The following HNF4G variants were observed in gnomAD, a reference collection of about 807,000 sequenced individuals.
HNF4G encodes the protein hepatocyte nuclear factor 4 gamma.
A neutral mutation model predicts 50.9 loss-of-function variants in HNF4G; 21 were observed. The observed-to-expected ratio is 0.41, with a 90% CI of 0.29 to 0.59. HNF4G has a LOEUF of 0.59. Ranked by LOEUF, HNF4G falls within the 20% of genes least tolerant of loss-of-function variation. HNF4G has a pLI of 0.26. For synonymous variants in HNF4G, 198 were observed against 185.6 expected (o/e 1.07, Z -0.54); for missense variants, 527 against 559.4 (o/e 0.94, Z 0.58).
chr8:75,465,416 A>G (rs184008430), intron 1 of HNF4G, among the ~76,000 whole-genome samples: 1 of 152,338 alleles, frequency 6.6e-6, no homozygotes, highest in Non-Finnish European at 1.5e-5. Flanking sequence ...AGGCATAAGA[A>G]AGTCAAGAAA....
chr8:75,560,533 G>C, intron 9 of HNF4G, 67 bp downstream of exon 9: 3 of 1,516,222 alleles, frequency 2.0e-6, no homozygotes, highest in Non-Finnish European at 2.7e-6. Context: ...GGAATTGTGG[G>C]AAAGAATCTA....
chr8:75,409,663 A>G (rs1165885762), intron 1 of HNF4G, among the ~76,000 whole-genome samples: 1 of 150,864 alleles, frequency 6.6e-6, no homozygotes, highest in Non-Finnish European at 1.5e-5. Context: ...TGATTTTTGT[A>G]TTTTTATTAA....
chr8:75,470,586 T>C (rs960297076), intron 1 of HNF4G, among the ~76,000 whole-genome samples: 2 of 152,148 alleles, frequency 1.3e-5, no homozygotes, highest in African/African-American at 4.8e-5. Context: ...TTAAATGAAA[T>C]GGGAATATTT....
In HNF4G at chr8:75,469,148, G is replaced by A. The variant is rs1300987253; in HGVS notation, c.-143-20941G>A. On this transcript the variant is annotated intron_variant, in intron 1 of 10. Transcript: ENST00000354370. The stretch of plus-strand genomic sequence containing the variant: ...AGGTGGAAGGAGCAGCAGAGATATT[G>A]GAAAATCTTTTTTTTTGGTGGCAGA... Among the ~76,000 whole-genome samples the A allele has an allele frequency of 2.0e-5, 3 of 152,156 alleles. No homozygotes were observed. In the East Asian group the frequency reaches 5.8e-4, roughly 29 times the overall value.
chr8:75,408,419 G>A (rs1810415635), intron 1 of HNF4G, among the ~76,000 whole-genome samples: 2 of 152,094 alleles, frequency 1.3e-5, no homozygotes, highest in African/African-American at 4.8e-5. Context: ...GGACCCTGGA[G>A]GTCTGTGGGT....
intron 2 of HNF4G, among the ~76,000 whole-genome samples, chr8:75,544,219 C>G (rs760826966): frequency 6.6e-6 from 1 of 152,132 alleles, no homozygotes; most frequent in Non-Finnish European, 1.5e-5. Context: ...TACCTACCAC[C>G]CAGCTTAGAC....
At chr8:75,445,063 A>G (rs1467218285) in intron 1 of HNF4G, among the ~76,000 whole-genome samples, 2 of 149,982 alleles carry the variant, frequency 1.3e-5, no homozygotes, top group African/African-American at 4.9e-5. Context: ...AAAGAACAGA[A>G]ATTATAACAA....
At chr8:75,488,734 A>G (rs949212333) in intron 1 of HNF4G, among the ~76,000 whole-genome samples, 10 of 152,182 alleles carry the variant, frequency 6.6e-5, no homozygotes, top group Non-Finnish European at 1.3e-4. Context: ...CATTCTTAGT[A>G]GCCTTTATCT....
chr8:75,409,256 C>T (rs1162994178), intron 1 of HNF4G, among the ~76,000 whole-genome samples: 2 of 152,080 alleles, frequency 1.3e-5, no homozygotes, highest in African/African-American at 4.8e-5. Flanking sequence ...TCCCATTTCT[C>T]CTAAGCTCCA....
chr8:75,414,878 G>A (rs1024838144), intron 1 of HNF4G, among the ~76,000 whole-genome samples: 2 of 152,134 alleles, frequency 1.3e-5, no homozygotes, highest in African/African-American at 4.8e-5. Flanking sequence ...GTCTTGGTGT[G>A]TACACTTACA....
intron 1 of HNF4G, among the ~76,000 whole-genome samples, chr8:75,449,279 C>G (rs1811517150): frequency 6.6e-6 from 1 of 152,044 alleles, no homozygotes; most frequent in African/African-American, 2.4e-5. Flanking sequence ...CATATGGTTT[C>G]TGTTGCAGTT....
intron 2 of HNF4G, among the ~76,000 whole-genome samples, chr8:75,516,309 C>G (rs1805887979): frequency 6.6e-6 from 1 of 151,992 alleles, no homozygotes. Context: ...TTAAATAAGT[C>G]TTCCTCTTTT....
intron 2 of HNF4G, among the ~76,000 whole-genome samples, chr8:75,496,550 C>T (rs937893080): frequency 2.0e-5 from 3 of 152,026 alleles, no homozygotes; most frequent in Non-Finnish European, 4.4e-5. Flanking sequence ...CATCTCACAA[C>T]TTTCAGAGGG....
intron 1 of HNF4G, among the ~76,000 whole-genome samples, chr8:75,541,240 A>C (rs2130784449): frequency 6.6e-6 from 1 of 152,272 alleles, no homozygotes; most frequent in Non-Finnish European, 1.5e-5. Context: ...TGTTTAACAA[A>C]TGTACTGAAA....
At chr8:75,481,210 T>C (rs577168026) in intron 1 of HNF4G, among the ~76,000 whole-genome samples, 6 of 152,342 alleles carry the variant, frequency 3.9e-5, no homozygotes, top group South Asian at 4.1e-4. Flanking sequence ...CTGGACTATA[T>C]TACATCTGAA....
At chr8:75,501,504 C>A (rs1397259242) in intron 2 of HNF4G, among the ~76,000 whole-genome samples, 3 of 152,056 alleles carry the variant, frequency 2.0e-5, no homozygotes. Context: ...GAAACAGAAT[C>A]CAAATGTACT....
intron 1 of HNF4G, among the ~76,000 whole-genome samples, chr8:75,486,832 A>G (rs1347811793): frequency 6.6e-6 from 1 of 152,086 alleles, no homozygotes; most frequent in African/African-American, 2.4e-5. Context: ...GCAAGACCCC[A>G]TCTCTACAAA....
intron 8 of HNF4G, among the ~76,000 whole-genome samples, chr8:75,559,623 G>A (rs1331786099): frequency 1.3e-5 from 2 of 151,978 alleles, no homozygotes; most frequent in Non-Finnish European, 2.9e-5. Context: ...CAGTCCCTCT[G>A]ACTTAAATTT....
At chr8:75,546,930 T>C (rs1219167703) in intron 2 of HNF4G, among the ~76,000 whole-genome samples, 1 of 152,162 alleles carries the variant, frequency 6.6e-6, no homozygotes, top group East Asian at 1.9e-4. Context: ...TGTTTAGCTT[T>C]TTAAGACAGT....
Sources: allele counts gnomAD v4.1 joint callset (sites outside exome capture counted in the v4.1 genomes callset), GRCh38; gene constraint gnomAD v4.1.1; transcripts MANE v1.5; gene names NCBI Gene and HGNC (gene_info 2026-07-23, HGNC 2026-07-21).